Variants in SYNE2 observed in about 807,000 individuals in gnomAD.
SYNE2 encodes nesprin-2.
A neutral mutation model predicts 856.3 loss-of-function variants in SYNE2; 431 were observed. That is an observed-to-expected ratio of 0.50 (90% CI 0.47 to 0.55). The LOEUF is 0.55. SYNE2 is among the 20% of genes least tolerant of loss of function. The pLI is 0.00. For synonymous variants in SYNE2, 2,923 were observed against 2,872.3 expected (o/e 1.02, Z -0.56); for missense variants, 8,129 against 8,023.2 (o/e 1.01, Z -0.50).
chr14:63,900,894 C>G (rs893053540), intron 1 of SYNE2, among the ~76,000 whole-genome samples: 2 of 152,130 alleles, frequency 1.3e-5, no homozygotes, highest in Non-Finnish European at 2.9e-5. Context: ...TACAATTTAA[C>G]TGATAAAGGA....
intron 100 of SYNE2, 127 bp from the exon 101 acceptor site, chr14:64,208,631 G>A (rs967925038): frequency 2.1e-6 from 2 of 973,054 alleles, no homozygotes; most frequent in Non-Finnish European, 3.2e-6. Flanking sequence ...CAAGTTCATG[G>A]TGGAAATCCA....
At chr14:64,017,474 TA>T in intron 33 of SYNE2, 120 bp from the exon 34 acceptor site, 1 of 799,560 alleles carries the variant, frequency 1.3e-6, no homozygotes, top group Non-Finnish European at 2.1e-6. Context: ...TGTTGATGAA[TA>T]AAGCAGATTA....
intron 2 of SYNE2, among the ~76,000 whole-genome samples, chr14:63,924,928 C>T (rs1418841335): frequency 7.4e-6 from 1 of 135,458 alleles, no homozygotes; most frequent in African/African-American, 2.8e-5. Flanking sequence ...TGTTCCTGAT[C>T]TTAGAGAGAA....
At chr14:64,076,148 C>T in intron 54 of SYNE2, 48 bp downstream of exon 54, 1 of 1,592,274 alleles carries the variant, frequency 6.3e-7, no homozygotes, top group South Asian at 1.1e-5. Flanking sequence ...AGCTGAATGA[C>T]TATCAGGAGG....
Position 64,000,689 on chromosome 14 carries a change from A to T in SYNE2, c.3608A>T (p.Glu1203Val). ...GAAAGAGACACACTAAAGGAAAGAGAAAGAGAGCTTCAGATGACTCTTAAT... is the reference window on the plus strand; with the variant it reads ...GAAAGAGACACACTAAAGGAAAGAGTAAGAGAGCTTCAGATGACTCTTAAT... Reference protein sequence around the residue: ...IKERDTLKERERELQMTLNTR... With the variant: ...IKERDTLKERVRELQMTLNTR... Residue 1203 changes from glutamate to valine, a missense_variant, in exon 28 of 116, where the codon GAA becomes GTA. This residue lies in a region of SYNE2 where 2,422 missense variants were observed against 2,357.4 expected (regional missense o/e 1.03). Transcript: ENST00000555002. 1 of 1,613,326 alleles carries T rather than the reference A, an allele frequency of 6.2e-7. No individual in the cohort carries two copies. Among genetic ancestry groups the T allele is most frequent in the Non-Finnish European group, 8.5e-7 (1 of 1,179,702 alleles).
At chr14:64,132,137 G>T (rs1018615265) in intron 76 of SYNE2, 128 bp from the exon 77 acceptor site, 8 of 1,093,476 alleles carry the variant, frequency 7.3e-6, no homozygotes, top group Non-Finnish European at 1.1e-5. Context: ...TGGTCAATTT[G>T]ACTCTACACG....
At chr14:64,121,825 T>TTC (rs2097901221) in intron 68 of SYNE2, among the ~76,000 whole-genome samples, 187 bp from the exon 69 acceptor site, 1 of 152,332 alleles carries the variant, frequency 6.6e-6, no homozygotes, top group East Asian at 1.9e-4. Flanking sequence ...ATAACAGTTA[T>TTC]TGTGTGAATA....
At chr14:64,128,393 T>A in intron 73 of SYNE2, 59 bp from the exon 74 acceptor site, 1 of 910,804 alleles carries the variant, frequency 1.1e-6, no homozygotes, top group Non-Finnish European at 1.8e-6. Context: ...CAACTAAATA[T>A]AAAAAAAGAT....
At chr14:63,840,998 G>C (rs1488619612) in intron 1 of SYNE2, among the ~76,000 whole-genome samples, 1 of 151,896 alleles carries the variant, frequency 6.6e-6, no homozygotes, top group African/African-American at 2.4e-5. Flanking sequence ...TGGGCAACAG[G>C]AGCAAAACTC....
chr14:64,169,705 A>G (rs1017647594), intron 93 of SYNE2, among the ~76,000 whole-genome samples: 6 of 152,238 alleles, frequency 3.9e-5, no homozygotes, highest in South Asian at 2.1e-4. Context: ...ATGATAAGCT[A>G]ATTTCTATTT....
intron 100 of SYNE2, 148 bp from the exon 101 acceptor site, chr14:64,208,610 A>G: frequency 1.3e-6 from 1 of 784,724 alleles, no homozygotes; most frequent in Admixed American, 2.0e-5. Flanking sequence ...GAGGGATTCC[A>G]TGTGTACTGC....
At chr14:64,172,172 C>T (rs2153727808) in intron 94 of SYNE2, among the ~76,000 whole-genome samples, 1 of 152,274 alleles carries the variant, frequency 6.6e-6, no homozygotes, top group East Asian at 1.9e-4. Context: ...AAAGATCACT[C>T]TGGCTGTTCC....
intron 81 of SYNE2, 83 bp downstream of exon 81, chr14:64,141,606 A>T: frequency 6.9e-7 from 1 of 1,450,640 alleles, no homozygotes; most frequent in East Asian, 2.3e-5. Flanking sequence ...CTGACTCAAT[A>T]ATTTTCATTG....
intron 1 of SYNE2, among the ~76,000 whole-genome samples, chr14:63,903,914 T>G (rs2095372438): frequency 6.6e-6 from 1 of 152,122 alleles, no homozygotes; most frequent in Non-Finnish European, 1.5e-5. Context: ...ATGGGTATAT[T>G]GTAACCAGGT....
chr14:64,028,736 A>T (rs1238098097), intron 43 of SYNE2, among the ~76,000 whole-genome samples: 1 of 152,152 alleles, frequency 6.6e-6, no homozygotes, highest in Non-Finnish European at 1.5e-5. Flanking sequence ...TGTCAATATT[A>T]TCCATCCATC....
At chr14:63,892,042 G>A (rs2095144375) in intron 1 of SYNE2, among the ~76,000 whole-genome samples, 1 of 151,998 alleles carries the variant, frequency 6.6e-6, no homozygotes, top group Non-Finnish European at 1.5e-5. Context: ...CATATTTTTG[G>A]CTGTCATAAG....
chr14:64,186,605 G>A (rs1228841528), intron 97 of SYNE2, 26 bp downstream of exon 97: 1 of 1,613,782 alleles, frequency 6.2e-7, no homozygotes, highest in Non-Finnish European at 8.5e-7. Context: ...GCAGGGCACG[G>A]CTGTTTGGGA....
intron 1 of SYNE2, among the ~76,000 whole-genome samples, chr14:63,908,321 A>G (rs995194735): frequency 1.3e-5 from 2 of 152,130 alleles, no homozygotes; most frequent in Non-Finnish European, 2.9e-5. Context: ...TACACCCCCA[A>G]TCTACTTTAT....
intron 70 of SYNE2, among the ~76,000 whole-genome samples, chr14:64,124,574 T>C (rs1216389321): frequency 6.6e-6 from 1 of 152,140 alleles, no homozygotes; most frequent in Non-Finnish European, 1.5e-5. Flanking sequence ...TAAATATAAC[T>C]AGTCATGACT....
Sources: allele counts gnomAD v4.1 joint callset (sites outside exome capture counted in the v4.1 genomes callset), GRCh38; gene constraint gnomAD v4.1.1; regional missense constraint gnomAD v4.1.1; transcripts MANE v1.5; gene names NCBI Gene and HGNC (gene_info 2026-07-23, HGNC 2026-07-21).